Variants in CSMD1 observed in about 807,000 individuals in gnomAD.
CSMD1 encodes the protein CUB and Sushi multiple domains 1, also known as CUB and sushi domain-containing protein 1.
In CSMD1, 213 loss-of-function variants were observed where a neutral mutation model predicts 417.5. The observed-to-expected ratio is 0.51, with a 90% confidence interval of 0.46 to 0.57. The LOEUF is 0.57. CSMD1 is among the 20% of genes least tolerant of loss of function. The pLI is 0.00. For synonymous variants in CSMD1, 2,862 were observed against 1,736.8 expected, an observed-to-expected ratio of 1.65 and a Z score of -16.11; for missense variants, 6,923 against 4,529.7, an observed-to-expected ratio of 1.53 and a Z score of -15.17.
At chr8:3,778,178 C>G (rs1372535721) in intron 5 of CSMD1, among the ~76,000 whole-genome samples, 2 of 152,190 alleles carry the variant, frequency 1.3e-5, no homozygotes, top group Non-Finnish European at 2.9e-5. Context: ...GAGGCGTCAG[C>G]AGGGGGCAGG....
chr8:3,518,235 T>C (rs1797362376), intron 10 of CSMD1, among the ~76,000 whole-genome samples: 1 of 152,190 alleles, frequency 6.6e-6, no homozygotes, highest in South Asian at 2.1e-4. Context: ...TAGTTTTAAT[T>C]TTCCTTCATA....
Position 3,369,247 on chromosome 8 carries a change from T to C in CSMD1, c.2899+7A>G, listed in dbSNP as rs755860683. Reference sequence around the variant, plus strand: ...CTGTATGTTTGAGACCTATGATAGATTCTTACCTTTCCCATGAGACACTTC... The same window carrying C: ...CTGTATGTTTGAGACCTATGATAGACTCTTACCTTTCCCATGAGACACTTC... On this transcript the variant is annotated splice_region_variant and intron_variant, in intron 19 of 69. Transcript: ENST00000635120. 1 of 1,388,152 alleles carries C rather than the reference T, an allele frequency of 7.2e-7. No individual in the cohort carries two copies. Among genetic ancestry groups the C allele is most frequent in the South Asian group, 1.2e-5 (1 of 84,740 alleles). The allele number at this position is 1,388,152 out of a possible 1,614,324, so 86.0% of individuals were successfully genotyped here. A position where few individuals can be genotyped will look rare whatever the true frequency, so the allele number is the denominator to read the frequency against.
At chr8:3,961,485 CCCAT>C (rs1812317283) in intron 5 of CSMD1, among the ~76,000 whole-genome samples, 9 of 152,050 alleles carry the variant, frequency 5.9e-5, no homozygotes, top group Admixed American at 4.6e-4. Context: ...AAAGTCTAGC[CCCAT>C]ATGCGTTCAT....
intron 2 of CSMD1, among the ~76,000 whole-genome samples, chr8:4,486,617 T>C (rs1362171900): frequency 1.3e-5 from 2 of 152,078 alleles, no homozygotes; most frequent in African/African-American, 4.8e-5. Flanking sequence ...TTTATATAAA[T>C]ACGACTCAGT....
In CSMD1 at chr8:3,838,543, A is replaced by G. The variant is rs577004087; in HGVS notation, c.819-84501T>C. Among the ~76,000 whole-genome samples, 3 of 124,598 alleles carry G rather than the reference A, an allele frequency of 2.4e-5. 1 individual carries two copies. The highest frequency in any genetic ancestry group is 2.3e-4 in the Admixed American group (3 of 12,972). The allele number at this position is 124,598 out of a possible 152,430, so 81.7% of individuals were successfully genotyped here. ...TATAGCCTATATATATAGTCTATATATGTACTCTCTGTAGATATATATAGT... is the reference window on the plus strand; with the variant it reads ...TATAGCCTATATATATAGTCTATATGTGTACTCTCTGTAGATATATATAGT... On this transcript the variant is annotated intron_variant, in intron 5 of 69. Coordinates refer to ENST00000635120, the MANE Select transcript of CSMD1 (RefSeq NM_033225.6).
At chr8:4,157,828 T>C (rs1358067524) in intron 3 of CSMD1, among the ~76,000 whole-genome samples, 1 of 152,166 alleles carries the variant, frequency 6.6e-6, no homozygotes, top group Non-Finnish European at 1.5e-5. Flanking sequence ...GTCAGTCTCC[T>C]ATCCTCCCCA....
chr8:4,845,598 C>T (rs908575674), intron 1 of CSMD1, among the ~76,000 whole-genome samples: 1 of 152,176 alleles, frequency 6.6e-6, no homozygotes, highest in African/African-American at 2.4e-5. Flanking sequence ...TATTGGGTTC[C>T]TACCATGTGC....
chr8:3,785,039 T>C (rs146390466), intron 5 of CSMD1, among the ~76,000 whole-genome samples: 1 of 152,162 alleles, frequency 6.6e-6, no homozygotes, highest in Admixed American at 6.5e-5. Flanking sequence ...GGAATAGAGA[T>C]AGAAAAACTG....
In CSMD1 at chr8:2,992,366, G is replaced by A. The variant is rs553790036; in HGVS notation, c.8377+5645C>T. 2.6e-4 allele frequency among the ~76,000 whole-genome samples: 40 copies of A among 152,166 alleles called. No individual in the cohort carries two copies. The South Asian group carries it at 3.7e-3, about 14-fold the overall frequency. On this transcript the variant is annotated intron_variant, in intron 54 of 69. Coordinates refer to ENST00000635120, the MANE Select transcript of CSMD1 (RefSeq NM_033225.6). ...TGCACAACATGGTCATGGCGAAAGC[G>A]CCCCTGAACTGCACACTTTAGAACG...
At chr8:4,837,352 T>A (rs1800555828) in intron 1 of CSMD1, among the ~76,000 whole-genome samples, 1 of 152,142 alleles carries the variant, frequency 6.6e-6, no homozygotes, top group African/African-American at 2.4e-5. Context: ...AACCTAAGTG[T>A]CCATCAACAG....
chr8:4,319,189 T>C (rs1042047543), intron 3 of CSMD1, among the ~76,000 whole-genome samples: 3 of 152,220 alleles, frequency 2.0e-5, no homozygotes, highest in Non-Finnish European at 4.4e-5. Flanking sequence ...TTTCCCCCAG[T>C]AATTCCAATT....
chr8:4,917,438 C>T (rs150544517), intron 1 of CSMD1, among the ~76,000 whole-genome samples: 4,107 of 152,120 alleles, frequency 0.027, 177 homozygotes, highest in African/African-American at 0.092. Context: ...ATCGAGACCA[C>T]CCTGGCTAAC....
At chr8:4,226,996 G>C (rs761043540) in intron 3 of CSMD1, among the ~76,000 whole-genome samples, 2 of 152,140 alleles carry the variant, frequency 1.3e-5, no homozygotes, top group Admixed American at 6.5e-5. Context: ...AAACTAAAGG[G>C]GGTAAATCCC....
At chr8:4,844,284 C>T (rs560358160) in intron 1 of CSMD1, among the ~76,000 whole-genome samples, 4 of 152,188 alleles carry the variant, frequency 2.6e-5, no homozygotes, top group South Asian at 4.1e-4. Flanking sequence ...TTTTTGTTTA[C>T]CTAAATGTCC....
chr8:4,177,887 T>C (rs1348031144), intron 3 of CSMD1, among the ~76,000 whole-genome samples: 1 of 151,726 alleles, frequency 6.6e-6, no homozygotes, highest in Non-Finnish European at 1.5e-5. Context: ...CAGGAAGAAG[T>C]TAAATCTCTG....
chr8:3,813,893 CT>C (rs1370105488), intron 5 of CSMD1, among the ~76,000 whole-genome samples: 1 of 152,124 alleles, frequency 6.6e-6, no homozygotes, highest in Non-Finnish European at 1.5e-5. Flanking sequence ...ATCGCTTTTC[CT>C]TTTTGCTACT....
chr8:3,762,956 C>T (rs1418386902), intron 5 of CSMD1, among the ~76,000 whole-genome samples: 1 of 152,030 alleles, frequency 6.6e-6, no homozygotes, highest in African/African-American at 2.4e-5. Flanking sequence ...GCTCATCCCC[C>T]AACTCTCTTC....
intron 4 of CSMD1, among the ~76,000 whole-genome samples, chr8:4,016,957 C>G (rs76417124): frequency 2.0e-5 from 3 of 152,136 alleles, no homozygotes; most frequent in Admixed American, 6.5e-5. Context: ...TCCTTAAAGT[C>G]AAAATCCCTA....
intron 1 of CSMD1, among the ~76,000 whole-genome samples, chr8:4,923,173 T>C (rs1006889956): frequency 5.9e-5 from 9 of 152,236 alleles, no homozygotes; most frequent in Admixed American, 3.3e-4. Context: ...TTTTCAGTTT[T>C]AGATGACCAC....
Sources: allele counts gnomAD v4.1 joint callset (sites outside exome capture counted in the v4.1 genomes callset), GRCh38; gene constraint gnomAD v4.1.1; transcripts MANE v1.5; gene names NCBI Gene and HGNC (gene_info 2026-07-23, HGNC 2026-07-21).